KAZN: variants seen among roughly 807,000 people sequenced by gnomAD.
KAZN encodes kazrin, periplakin interacting protein, also known as kazrin.
In KAZN, 40 loss-of-function variants were observed where a neutral mutation model predicts 87.4. That is an observed-to-expected ratio of 0.46 (90% CI 0.36 to 0.60). The LOEUF is 0.60. Ranked by LOEUF, KAZN falls within the 20% of genes least tolerant of loss-of-function variation. KAZN has a pLI of 0.00. For synonymous variants in KAZN, 466 were observed against 458.3 expected (o/e 1.02, Z -0.22); for missense variants, 898 against 1,073.9 (o/e 0.84, Z 2.29).
intron 8 of KAZN, among the ~76,000 whole-genome samples, chr1:15,071,766 C>T (rs1353028115): frequency 1.3e-5 from 2 of 152,190 alleles, no homozygotes; most frequent in Admixed American, 6.5e-5. Context: ...TGACCTAGCA[C>T]GTGCCTTGCA....
At chr1:14,220,070 C>G (rs978601793) in intron 2 of KAZN, among the ~76,000 whole-genome samples, 10 of 152,196 alleles carry the variant, frequency 6.6e-5, no homozygotes, top group African/African-American at 2.4e-4. Flanking sequence ...CTCCTGCCTT[C>G]CAACTGTCCC....
chr1:13,904,937 C>A (rs1439305724), intron 1 of KAZN, among the ~76,000 whole-genome samples: 1 of 151,840 alleles, frequency 6.6e-6, no homozygotes, highest in Non-Finnish European at 1.5e-5. Flanking sequence ...TATTTTCCAT[C>A]TTTGTCTCTC....
chr1:14,545,726 T>C (rs1246909730), intron 2 of KAZN, among the ~76,000 whole-genome samples: 4 of 152,070 alleles, frequency 2.6e-5, no homozygotes, highest in African/African-American at 9.7e-5. Context: ...TAGACAGGGG[T>C]CTCTGTTCAT....
intron 1 of KAZN, among the ~76,000 whole-genome samples, chr1:14,057,887 T>C (rs1476546341): frequency 1.3e-5 from 2 of 152,176 alleles, no homozygotes; most frequent in South Asian, 2.1e-4. Context: ...TTCGGAAAAA[T>C]TAATGTGACT....
chr1:14,168,149 G>A (rs1273624286), intron 1 of KAZN, among the ~76,000 whole-genome samples: 6 of 152,304 alleles, frequency 3.9e-5, no homozygotes, highest in Admixed American at 1.3e-4. Context: ...ATGAAAATTC[G>A]TGTATTATGC....
chr1:14,253,247 C>T (rs6668555), intron 2 of KAZN, among the ~76,000 whole-genome samples: 39,785 of 151,812 alleles, frequency 0.26, 6,116 homozygotes, highest in East Asian at 0.45. Context: ...CATATTATTA[C>T]GATTATAATA....
At chr1:13,908,859 C>T (rs1224323354) in intron 1 of KAZN, among the ~76,000 whole-genome samples, 1 of 152,150 alleles carries the variant, frequency 6.6e-6, no homozygotes, top group Non-Finnish European at 1.5e-5. Context: ...AGCATCATGG[C>T]AGAGCTGTTA....
At position 14,733,179 on chromosome 1, in the gene KAZN, C is replaced by T. The variant is rs150711436; in HGVS notation, c.226+133956C>T. Among the ~76,000 whole-genome samples the T allele has an allele frequency of 1.9e-3, 294 of 152,192 alleles. 2 individuals are homozygous for T. Among genetic ancestry groups the T allele is most frequent in the African/African-American group, 6.7e-3 (278 of 41,538 alleles). ...CAGACTTTCTGACAGAGGGACTTTC[C>T]GCCCACTGCCCCAGGCTTGGTAATT... is the stretch of plus-strand genomic sequence containing the variant. On this transcript the variant is annotated intron_variant, in intron 1 of 14. Coordinates refer to ENST00000376030, the MANE Select transcript of KAZN (RefSeq NM_201628.3).
At chr1:14,387,359 A>G (rs1174545722) in intron 2 of KAZN, among the ~76,000 whole-genome samples, 1 of 152,206 alleles carries the variant, frequency 6.6e-6, no homozygotes, top group Non-Finnish European at 1.5e-5. Flanking sequence ...CTGGTGAGGA[A>G]CTGCGTTCCT....
intron 2 of KAZN, among the ~76,000 whole-genome samples, chr1:14,402,332 TGAGTTCTTACCA>T (rs1663486669): frequency 6.6e-6 from 1 of 152,102 alleles, no homozygotes; most frequent in Non-Finnish European, 1.5e-5. Flanking sequence ...TAACACTCAT[TGAGTTCTTACCA>T]GCGTTCCAAG....
At chr1:14,360,511 G>C (rs952442836) in intron 2 of KAZN, among the ~76,000 whole-genome samples, 1 of 152,166 alleles carries the variant, frequency 6.6e-6, no homozygotes, top group African/African-American at 2.4e-5. Flanking sequence ...TCCTTTGGAG[G>C]AGAAGAGGCA....
intron 1 of KAZN, among the ~76,000 whole-genome samples, chr1:14,652,455 CTG>C (rs1638449305): frequency 7.0e-6 from 1 of 142,102 alleles, no homozygotes; most frequent in Non-Finnish European, 1.5e-5. Flanking sequence ...ACCCACCCAT[CTG>C]CCTATCCATC....
intron 1 of KAZN, among the ~76,000 whole-genome samples, chr1:14,149,197 G>A (rs1323008094): frequency 3.5e-5 from 5 of 144,044 alleles, no homozygotes; most frequent in African/African-American, 1.3e-4. Flanking sequence ...CGCCTCCTGG[G>A]TTTAAGTGAT....
chr1:14,450,888 G>T (rs1667234731), intron 2 of KAZN, among the ~76,000 whole-genome samples: 1 of 151,946 alleles, frequency 6.6e-6, no homozygotes, highest in South Asian at 2.1e-4. Flanking sequence ...TGACTGGATG[G>T]TCGTCCTAGG....
intron 2 of KAZN, among the ~76,000 whole-genome samples, chr1:14,250,614 AG>A (rs758598826): frequency 2.4e-4 from 37 of 151,992 alleles, no homozygotes; most frequent in Non-Finnish European, 5.0e-4. Context: ...TTGAAGCAAA[AG>A]AACATGTGGA....
intron 10 of KAZN, among the ~76,000 whole-genome samples, chr1:15,095,978 C>T (rs768874598): frequency 1.3e-5 from 2 of 152,162 alleles, no homozygotes; most frequent in East Asian, 1.9e-4. Context: ...GATGCTGGCT[C>T]GTCTGAGACA....
At chr1:14,931,198 T>G (rs1258233000) in intron 1 of KAZN, among the ~76,000 whole-genome samples, 7 of 151,194 alleles carry the variant, frequency 4.6e-5, no homozygotes, top group Non-Finnish European at 1.0e-4. Context: ...GCACTTTGGG[T>G]GGCCGAAGCA....
chr1:13,998,660 G>A (rs145545958), intron 1 of KAZN, among the ~76,000 whole-genome samples: 66 of 150,688 alleles, frequency 4.4e-4, no homozygotes, highest in African/African-American at 1.5e-3. Context: ...GCAACAAGAA[G>A]AGCTAACTAT....
chr1:14,002,153 A>C (rs1364140510), intron 1 of KAZN, among the ~76,000 whole-genome samples: 1 of 152,268 alleles, frequency 6.6e-6, no homozygotes, highest in Non-Finnish European at 1.5e-5. Context: ...AGAAATTTAC[A>C]AGAAAAATCA....
Sources: gnomAD v4.1 joint callset for allele counts (sites outside exome capture counted in the v4.1 genomes callset) on GRCh38, gnomAD v4.1.1 for gene constraint, MANE v1.5 for transcripts, NCBI Gene and HGNC (gene_info 2026-07-23, HGNC 2026-07-21) for gene names.